Variants in PSORS1C1 observed in about 807,000 individuals in gnomAD.
PSORS1C1 encodes psoriasis susceptibility 1 candidate gene 1 protein.
A neutral mutation model predicts 9.4 loss-of-function variants in PSORS1C1; 7 were observed. The observed-to-expected ratio is 0.75, with a 90% CI of 0.42 to 1.40. The LOEUF is 1.40. Among genes scored for constraint, PSORS1C1 ranks in the 40% most tolerant of loss-of-function variants. The pLI is 0.01. For synonymous variants in PSORS1C1, 63 were observed against 69.4 expected (o/e 0.91, Z 0.46); for missense variants, 146 against 178.1 (o/e 0.82, Z 1.02).
chr6:31,117,210 C>G (rs1772197970), intron 1 of PSORS1C1: 2 of 1,613,768 alleles, frequency 1.2e-6, no homozygotes, highest in Non-Finnish European at 1.7e-6. Flanking sequence ...AGCTGCTGCT[C>G]CCCAGCTGGG....
At chr6:31,130,417 GT>G (rs9278987) in intron 3 of PSORS1C1, among the ~76,000 whole-genome samples, 79,064 of 146,644 alleles carry the variant, frequency 0.54, 21,164 homozygotes, top group East Asian at 0.71. Flanking sequence ...CTAATTGTTT[GT>G]TTTTTTTTTT....
intron 3 of PSORS1C1, among the ~76,000 whole-genome samples, chr6:31,132,454 G>A (rs1224760637): frequency 7.9e-6 from 1 of 126,344 alleles, no homozygotes; most frequent in African/African-American, 2.7e-5. Context: ...CTCAGGAGGC[G>A]GAGATTGCAG....
chr6:31,140,024 A>G lies in PSORS1C1; in HGVS notation c.*92A>G. 7.9e-7 allele frequency: 1 copy of G among 1,265,756 alleles called. No individual in the cohort carries two copies. The allele number at this position is 1,265,756 out of a possible 1,614,324, so 78.4% of individuals were successfully genotyped here. On this transcript the variant is annotated 3_prime_UTR_variant, in exon 6 of 6. Transcript: ENST00000259881. The surrounding 1 kb of genome is among the most constrained non-coding windows in gnomAD (Gnocchi z 4.6). ...TCAGAAGTAACATGTCCAAAATAAAATTTGATTCCTCCCAGGTTGTTCCCT... is the reference window on the plus strand; with the variant it reads ...TCAGAAGTAACATGTCCAAAATAAAGTTTGATTCCTCCCAGGTTGTTCCCT...
intron 1 of PSORS1C1, among the ~76,000 whole-genome samples, chr6:31,123,744 T>C (rs1185594766): frequency 2.6e-5 from 4 of 152,262 alleles, no homozygotes; most frequent in Non-Finnish European, 5.9e-5. Flanking sequence ...GTGTTTGCTG[T>C]GCCAGCCTTG....
At chr6:31,131,718 C>A (rs1485326047) in intron 3 of PSORS1C1, among the ~76,000 whole-genome samples, 1 of 151,998 alleles carries the variant, frequency 6.6e-6, no homozygotes, top group Non-Finnish European at 1.5e-5. Context: ...TGTGACCTTG[C>A]ATGGGTCACT....
intron 3 of PSORS1C1, among the ~76,000 whole-genome samples, chr6:31,132,711 G>A (rs1005786661): frequency 6.6e-6 from 1 of 152,028 alleles, no homozygotes; most frequent in African/African-American, 2.4e-5. Context: ...TTAGCCCAGT[G>A]AGTGGAGTGC....
intron 1 of PSORS1C1, among the ~76,000 whole-genome samples, chr6:31,119,463 C>T (rs3095323): frequency 0.76 from 115,241 of 152,142 alleles, 43,978 homozygotes; most frequent in South Asian, 0.83. Context: ...AGGGGTTGCC[C>T]GGCCTGGGGT....
chr6:31,129,912 C>T (rs1772831488), intron 3 of PSORS1C1, among the ~76,000 whole-genome samples: 1 of 152,136 alleles, frequency 6.6e-6, no homozygotes, highest in East Asian at 1.9e-4. Context: ...GTTCCTTTCC[C>T]TCCTTTCTCT....
At chr6:31,123,029 C>T (rs144396269) in intron 1 of PSORS1C1, among the ~76,000 whole-genome samples, 3 of 152,314 alleles carry the variant, frequency 2.0e-5, no homozygotes, top group Non-Finnish European at 4.4e-5. Context: ...CCTGACCAGC[C>T]AGAGGTAGCA....
At chr6:31,129,183 T>C (rs983801455) in intron 2 of PSORS1C1, among the ~76,000 whole-genome samples, 4 of 151,778 alleles carry the variant, frequency 2.6e-5, no homozygotes, top group Non-Finnish European at 5.9e-5. Context: ...TCTTTTTTTT[T>C]CATTGGCCAA....
At chr6:31,134,430 G>A (rs913775244) in intron 3 of PSORS1C1, among the ~76,000 whole-genome samples, 3 of 151,996 alleles carry the variant, frequency 2.0e-5, no homozygotes, top group Non-Finnish European at 4.4e-5. Context: ...AGCCTCCCGA[G>A]TAGCTGGGAC....
intron 1 of PSORS1C1, chr6:31,117,884 C>T (rs3819683): frequency 0.057 from 18,049 of 315,804 alleles, 647 homozygotes; most frequent in East Asian, 0.16. Context: ...GGATTGCATG[C>T]GCCCCAGAGT....
intron 1 of PSORS1C1, chr6:31,116,237 T>A (rs1397319209): frequency 1.2e-6 from 2 of 1,613,912 alleles, no homozygotes; most frequent in South Asian, 1.1e-5. Context: ...GAGACAGACA[T>A]GCAAGGGTGA....
intron 1 of PSORS1C1, chr6:31,116,692 A>G (rs2053590532): frequency 6.2e-7 from 1 of 1,612,742 alleles, no homozygotes. Flanking sequence ...CATGCCTGGA[A>G]CCAGATAACT....
At chr6:31,138,104 CG>C in intron 3 of PSORS1C1, 1 of 1,600,886 alleles carries the variant, frequency 6.2e-7, no homozygotes, top group South Asian at 1.1e-5. Flanking sequence ...CCGTTCTAGG[CG>C]GTTCAGGGAG....
Position 31,134,372 on chromosome 6 carries a change from G to C in PSORS1C1, c.14-4058G>C, listed in dbSNP as rs375822497. 2.2e-3 allele frequency among the ~76,000 whole-genome samples: 326 copies of C among 151,236 alleles called. 6 individuals carry two copies. The highest frequency in any genetic ancestry group is 0.014 in the Middle Eastern group (4 of 292). The stretch of plus-strand genomic sequence containing the variant: ...GGCTGGAGTGCAGTGGCACGATCTC[G>C]GCTCACTGCAAGCTCCACCTCCCAG... On this transcript the variant is annotated intron_variant, in intron 3 of 5. Coordinates refer to ENST00000259881, the MANE Select transcript of PSORS1C1 (RefSeq NM_014068.3).
At position 31,138,793 on chromosome 6, in the gene PSORS1C1, G is replaced by A; in HGVS notation, c.167+14G>A. 4.3e-6 allele frequency: 7 copies of A among 1,614,080 alleles called. No homozygotes were observed. Among genetic ancestry groups the A allele is most frequent in the Non-Finnish European group, 5.9e-6 (7 of 1,179,996 alleles). ...AAACCATTTCTGGTGAGAGCCAAATGCACCTTCTGCACCATGTCCCCCACC... is the reference window on the plus strand; with the variant it reads ...AAACCATTTCTGGTGAGAGCCAAATACACCTTCTGCACCATGTCCCCCACC... On this transcript the variant is annotated intron_variant, in intron 5 of 5. Transcript: ENST00000259881.
At chr6:31,138,260 G>C (rs1270002117) in intron 3 of PSORS1C1, 170 bp from the exon 4 acceptor site, 1 of 1,574,158 alleles carries the variant, frequency 6.4e-7, no homozygotes, top group South Asian at 1.2e-5. Context: ...CCTCCTCTCG[G>C]TCCTCTGCGG....
intron 3 of PSORS1C1, among the ~76,000 whole-genome samples, chr6:31,136,091 A>G (rs993259665): frequency 6.6e-6 from 1 of 151,652 alleles, no homozygotes; most frequent in African/African-American, 2.4e-5. Context: ...TAACTTATTG[A>G]AAATGCATCT....
Sources: allele counts gnomAD v4.1 joint callset (sites outside exome capture counted in the v4.1 genomes callset), GRCh38; gene constraint gnomAD v4.1.1; non-coding constraint Gnocchi (gnomAD v3.1); transcripts MANE v1.5; gene names NCBI Gene and HGNC (gene_info 2026-07-23, HGNC 2026-07-21).